The following DAB1 variants were observed in gnomAD, a reference collection of about 807,000 sequenced individuals.
DAB1 encodes DAB adaptor protein 1, also known as disabled homolog 1.
DAB1 carries 15 observed loss-of-function variants against 64.6 expected under a neutral mutation model. That is an observed-to-expected ratio of 0.23 (90% CI 0.16 to 0.36). DAB1 has a LOEUF of 0.36. Ranked by LOEUF, DAB1 falls within the 10% of genes least tolerant of loss-of-function variation. The pLI, the probability that DAB1 is intolerant of heterozygous loss-of-function variation, is 1.00. For missense variants in DAB1, 596 were observed against 706.7 expected, an observed-to-expected ratio of 0.84 and a Z score of 1.78; for synonymous variants, 235 against 251.9, an observed-to-expected ratio of 0.93 and a Z score of 0.64.
intron 2 of DAB1, among the ~76,000 whole-genome samples, chr1:57,223,444 C>T (rs1667032763): frequency 6.6e-6 from 1 of 152,144 alleles, no homozygotes; most frequent in African/African-American, 2.4e-5. Context: ...CTGAGAGAAT[C>T]CTGCTGTCAT....
chr1:57,041,391 A>G (rs1299779896), intron 9 of DAB1, among the ~76,000 whole-genome samples: 1 of 152,220 alleles, frequency 6.6e-6, no homozygotes, highest in Non-Finnish European at 1.5e-5. Flanking sequence ...ACTGGAGAAC[A>G]CTAATTCAAT....
chr1:58,534,621 C>T (rs535061794), intron 1 of DAB1, among the ~76,000 whole-genome samples: 18 of 152,142 alleles, frequency 1.2e-4, no homozygotes, highest in Non-Finnish European at 2.2e-4. Flanking sequence ...ATTATTTCTA[C>T]TTTCCTAAAC....
intron 4 of DAB1, among the ~76,000 whole-genome samples, chr1:57,102,825 G>A (rs909941779): frequency 5.3e-5 from 8 of 152,048 alleles, no homozygotes; most frequent in African/African-American, 1.4e-4. Context: ...GCATATCCAC[G>A]TGTTTAAAGA....
At chr1:58,103,501 G>T (rs1651448992) in intron 5 of DAB1, among the ~76,000 whole-genome samples, 1 of 152,060 alleles carries the variant, frequency 6.6e-6, no homozygotes, top group South Asian at 2.1e-4. Flanking sequence ...AAATTTAAAT[G>T]TTTAAATATT....
chr1:57,035,877 C>G (rs1032828506), intron 9 of DAB1, among the ~76,000 whole-genome samples: 1 of 118,084 alleles, frequency 8.5e-6, no homozygotes, highest in Admixed American at 1.0e-4. Context: ...CAGGGTCTCA[C>G]TCTGTCGTGG....
chr1:57,160,210 A>G (rs1241446061), intron 2 of DAB1, among the ~76,000 whole-genome samples: 2 of 152,174 alleles, frequency 1.3e-5, no homozygotes, highest in Admixed American at 6.5e-5. Flanking sequence ...AGTTTATTTC[A>G]TGTTGATACC....
chr1:58,298,952 G>C (rs1221509017), intron 4 of DAB1, among the ~76,000 whole-genome samples: 1 of 152,146 alleles, frequency 6.6e-6, no homozygotes, highest in East Asian at 1.9e-4. Flanking sequence ...GTATATAAGA[G>C]TCACTAGGAA....
chr1:58,427,186 G>C (rs555805824), intron 3 of DAB1, among the ~76,000 whole-genome samples: 5 of 152,188 alleles, frequency 3.3e-5, no homozygotes, highest in African/African-American at 9.6e-5. Context: ...AAGGTGGTGT[G>C]GGGTAGAGAA....
chr1:57,912,516 C>T (rs1012690630), intron 5 of DAB1, among the ~76,000 whole-genome samples: 1 of 152,122 alleles, frequency 6.6e-6, no homozygotes, highest in African/African-American at 2.4e-5. Context: ...GGAAGCATTC[C>T]CTTTGAAAAC....
At chr1:57,156,088 C>A (rs1339992867) in intron 2 of DAB1, among the ~76,000 whole-genome samples, 1 of 152,094 alleles carries the variant, frequency 6.6e-6, no homozygotes, top group Non-Finnish European at 1.5e-5. Flanking sequence ...GGCTGGGGTA[C>A]ACATATATAT....
At chr1:57,785,412 G>A (rs1650295916) in intron 6 of DAB1, among the ~76,000 whole-genome samples, 1 of 152,156 alleles carries the variant, frequency 6.6e-6, no homozygotes, top group Non-Finnish European at 1.5e-5. Context: ...ATGAATCTGT[G>A]CAAAGTGAAT....
At chr1:58,098,733 T>C (rs1192334078) in intron 5 of DAB1, among the ~76,000 whole-genome samples, 2 of 152,086 alleles carry the variant, frequency 1.3e-5, no homozygotes, top group Non-Finnish European at 2.9e-5. Flanking sequence ...GACACAAACA[T>C]GTACAGAAGG....
At chr1:58,274,776 C>T (rs764010186) in intron 4 of DAB1, among the ~76,000 whole-genome samples, 2 of 152,120 alleles carry the variant, frequency 1.3e-5, no homozygotes. Context: ...TTTCCAGGTG[C>T]GTCCGTCACT....
At chr1:58,119,968 T>A (rs1652636937) in intron 5 of DAB1, among the ~76,000 whole-genome samples, 1 of 152,138 alleles carries the variant, frequency 6.6e-6, no homozygotes. Context: ...CTTCCCACCC[T>A]ATCCCCACAT....
rs1461139557 is a variant in DAB1, at chr1:57,164,445, C to T, written c.68-19016G>A. Among the ~76,000 whole-genome samples, 3 of 152,110 alleles carry T rather than the reference C, an allele frequency of 2.0e-5. No individual in the cohort carries two copies. The East Asian group carries it at 5.8e-4, about 29-fold the overall frequency. The stretch of plus-strand genomic sequence containing the variant: ...GGTGATTGAACCACCAGCTGACCCT[C>T]CCATCCAGCAATAGAACCACAGTGA... On this transcript the variant is annotated intron_variant, in intron 2 of 14. Transcript: ENST00000371236.
chr1:58,347,069 A>C (rs1035917615), intron 3 of DAB1, among the ~76,000 whole-genome samples: 3 of 148,360 alleles, frequency 2.0e-5, no homozygotes, highest in Non-Finnish European at 4.5e-5. Flanking sequence ...AAGCATAAGA[A>C]ATGATTATGG....
chr1:57,441,508 C>T (rs1404708611), intron 7 of DAB1, among the ~76,000 whole-genome samples: 1 of 151,980 alleles, frequency 6.6e-6, no homozygotes, highest in Admixed American at 6.6e-5. Flanking sequence ...GCACACACCA[C>T]CACACCTGCC....
At chr1:57,814,298 C>T (rs1651757441) in intron 6 of DAB1, among the ~76,000 whole-genome samples, 1 of 152,142 alleles carries the variant, frequency 6.6e-6, no homozygotes, top group Non-Finnish European at 1.5e-5. Flanking sequence ...CATCTGGCCA[C>T]ACATCAAGTT....
chr1:57,683,984 A>G (rs1052720132), intron 6 of DAB1, among the ~76,000 whole-genome samples: 1 of 152,236 alleles, frequency 6.6e-6, no homozygotes, highest in African/African-American at 2.4e-5. Context: ...GGAAGTATTA[A>G]CAGCAGAATA....
Sources: allele counts gnomAD v4.1 joint callset (sites outside exome capture counted in the v4.1 genomes callset), GRCh38; gene constraint gnomAD v4.1.1; transcripts MANE v1.5; gene names NCBI Gene and HGNC (gene_info 2026-07-23, HGNC 2026-07-21).